The following EPS8 variants were observed in gnomAD, a reference collection of about 807,000 sequenced individuals.
EPS8 encodes epidermal growth factor receptor kinase substrate 8.
A neutral mutation model predicts 103.8 loss-of-function variants in EPS8; 42 were observed. That is an observed-to-expected ratio of 0.40 (90% CI 0.32 to 0.52). EPS8 has a LOEUF of 0.52. Among genes scored for constraint, EPS8 ranks in the 20% least tolerant of loss-of-function variants. The probability of loss-of-function intolerance (pLI) is 0.40; values close to 1 mark genes in which losing one functional copy is unlikely to be tolerated. For missense variants in EPS8, 969 were observed against 1,005.1 expected, an observed-to-expected ratio of 0.96 and a Z score of 0.49; for synonymous variants, 344 against 344.6, an observed-to-expected ratio of 1.00 and a Z score of 0.02.
intron 1 of EPS8, among the ~76,000 whole-genome samples, chr12:15,724,281 T>C (rs1946629027): frequency 6.6e-6 from 1 of 152,184 alleles, no homozygotes; most frequent in South Asian, 2.1e-4. Context: ...CTTTTCTTAA[T>C]ATGAATAAAG....
intron 17 of EPS8, among the ~76,000 whole-genome samples, chr12:15,640,331 C>A (rs1017981413): frequency 7.2e-5 from 11 of 152,138 alleles, no homozygotes; most frequent in African/African-American, 2.7e-4. Context: ...CTGCTGGACA[C>A]CATGCCGTGA....
At chr12:15,768,331 G>A (rs1029620413) in intron 1 of EPS8, among the ~76,000 whole-genome samples, 4 of 147,604 alleles carry the variant, frequency 2.7e-5, no homozygotes, top group Non-Finnish European at 5.9e-5. Context: ...CCAGCTACTC[G>A]AGAGGCTGAG....
intron 15 of EPS8, among the ~76,000 whole-genome samples, 198 bp downstream of exon 15, chr12:15,646,926 AATG>A (rs1945328722): frequency 6.6e-6 from 1 of 152,232 alleles, no homozygotes; most frequent in African/African-American, 2.4e-5. Flanking sequence ...ATTTGCACTA[AATG>A]GGAATTACAG....
rs1946239875 is a variant in EPS8 at position 15,696,101 on chromosome 12, A to G, written c.-21-13129T>C. Among the ~76,000 whole-genome samples, 1 of 152,196 alleles carries G rather than the reference A, an allele frequency of 6.6e-6. No individual in the cohort carries two copies. Among genetic ancestry groups the G allele is most frequent in the Non-Finnish European group, 1.5e-5 (1 of 68,038 alleles). On this transcript the variant is annotated intron_variant, in intron 1 of 20. Coordinates refer to ENST00000281172, the MANE Select transcript of EPS8 (RefSeq NM_004447.6). The surrounding 1 kb of genome is among the most constrained non-coding windows in gnomAD (Gnocchi z 4.8). ...TCTCTATTTAAAATCCAGGATAATT[A>G]GTCTACCTTTAAAACAAAGAATTTA... is the stretch of plus-strand genomic sequence containing the variant.
In EPS8 at chr12:15,682,900, G is replaced by A; in HGVS notation, c.52C>T (p.Gln18Ter). The A allele has an allele frequency of 6.6e-7, 1 of 1,525,650 alleles. No individual in the cohort carries two copies. The highest frequency in any genetic ancestry group is 9.0e-7 in the Non-Finnish European group (1 of 1,108,940). The allele number at this position is 1,525,650 out of a possible 1,614,324, so 94.5% of individuals were successfully genotyped here. ...ATAAACTTTTCAACTTACTTCATCT[G>A]AGATGGGTACATTCCAAAACTACTG... The part of the protein sequence containing the change: ...HPSSFGMYPS[Q>*]MNGYGSSPTF... Residue 18 changes from glutamine (Q) to a stop codon, truncating the protein, a stop_gained, in exon 2 of 21, where the codon CAG (glutamine) becomes TAG (stop). Transcript: ENST00000281172. LOFTEE classifies it high-confidence loss of function.
intron 8 of EPS8, among the ~76,000 whole-genome samples, chr12:15,664,548 C>T (rs900810343): frequency 6.6e-6 from 1 of 152,086 alleles, no homozygotes; most frequent in Non-Finnish European, 1.5e-5. Context: ...GAGATGAGAC[C>T]GAAGTACAGA....
chr12:15,774,865 G>C (rs1047494374), intron 1 of EPS8, among the ~76,000 whole-genome samples: 1 of 151,756 alleles, frequency 6.6e-6, no homozygotes, highest in African/African-American at 2.4e-5. Flanking sequence ...TTAGTTCAGT[G>C]TATAATGGCC....
intron 1 of EPS8, chr12:15,712,779 T>C: frequency 1.4e-6 from 1 of 732,902 alleles, no homozygotes; most frequent in Non-Finnish European, 1.7e-6. Context: ...GGTCTACAAA[T>C]ACCCTTTATA....
Position 15,721,159 on chromosome 12 carries a change from A to T in EPS8, c.-21-38187T>A, listed in dbSNP as rs1433503938. Among the ~76,000 whole-genome samples, 1 of 152,206 alleles carries T rather than the reference A, an allele frequency of 6.6e-6. No homozygotes were observed. The highest frequency in any genetic ancestry group is 1.5e-5 in the Non-Finnish European group (1 of 68,034). On this transcript the variant is annotated intron_variant, in intron 1 of 20. Coordinates refer to ENST00000281172, the MANE Select transcript of EPS8 (RefSeq NM_004447.6). This position sits in a 1 kb window ranked among gnomAD's most constrained non-coding sequence, Gnocchi z 4.4. ...GGCAATCAAAAATATGTCCACATAT[A>T]CTCAGAGTGAAAAGAAAGCAAGAAA...
chr12:15,685,810 C>T (rs1484773023), intron 1 of EPS8, among the ~76,000 whole-genome samples: 2 of 152,066 alleles, frequency 1.3e-5, no homozygotes, highest in Admixed American at 6.5e-5. Flanking sequence ...TTAAGACATA[C>T]CCAGTTTATA....
chr12:15,718,175 A>G (rs1268668449), intron 1 of EPS8, among the ~76,000 whole-genome samples: 2 of 152,352 alleles, frequency 1.3e-5, no homozygotes, highest in East Asian at 3.9e-4. Flanking sequence ...CCTCACCTGT[A>G]AAATGAGACC....
intron 1 of EPS8, among the ~76,000 whole-genome samples, chr12:15,703,847 GTTTTTTTT>G (rs58735135): frequency 1.6e-5 from 1 of 61,240 alleles, no homozygotes; most frequent in South Asian, 6.7e-4. Flanking sequence ...CTATGTATTT[GTTTTTTTT>G]TTTTTTTTTT....
chr12:15,746,198 C>G (rs1436755864), intron 1 of EPS8, among the ~76,000 whole-genome samples: 1 of 152,202 alleles, frequency 6.6e-6, no homozygotes, highest in African/African-American at 2.4e-5. Flanking sequence ...CAACTGCCCT[C>G]AGTAGCACTG....
intron 8 of EPS8, among the ~76,000 whole-genome samples, chr12:15,663,311 G>A (rs1436343124): frequency 6.6e-6 from 1 of 152,088 alleles, no homozygotes; most frequent in African/African-American, 2.4e-5. Context: ...TAGTGCCACT[G>A]GCGCTATTCC....
At chr12:15,640,405 C>A (rs555124504) in intron 17 of EPS8, among the ~76,000 whole-genome samples, 1 of 152,216 alleles carries the variant, frequency 6.6e-6, no homozygotes, top group South Asian at 2.1e-4. Flanking sequence ...GGTAAAAAGA[C>A]AGAAATACCA....
At chr12:15,708,756 T>A (rs1946421999) in intron 1 of EPS8, among the ~76,000 whole-genome samples, 1 of 152,204 alleles carries the variant, frequency 6.6e-6, no homozygotes, top group African/African-American at 2.4e-5. Flanking sequence ...ACAGCAGAAT[T>A]GACTGTATTT....
chr12:15,683,941 A>T (rs1193497973), intron 1 of EPS8: 5 of 152,124 alleles, frequency 3.3e-5, no homozygotes, highest in Non-Finnish European at 1.5e-5. Context: ...CCCCAGCTTT[A>T]TGGGCCAAGG....
At chr12:15,668,541 C>T (rs1194533077) in intron 6 of EPS8, among the ~76,000 whole-genome samples, 1 of 152,138 alleles carries the variant, frequency 6.6e-6, no homozygotes, top group East Asian at 1.9e-4. Context: ...TCCAATAAAG[C>T]ATCACAAATT....
rs1232290493 is a variant in EPS8, at chr12:15,745,895, A to G, written c.-22+43266T>C. Among the ~76,000 whole-genome samples, 8 of 152,214 alleles carry G rather than the reference A, an allele frequency of 5.3e-5. No homozygotes were observed. The highest frequency in any genetic ancestry group is 1.0e-4 in the Non-Finnish European group (7 of 68,026). On this transcript the variant is annotated intron_variant, in intron 1 of 20. Coordinates refer to ENST00000281172, the MANE Select transcript of EPS8 (RefSeq NM_004447.6). The surrounding 1 kb of genome is among the most constrained non-coding windows in gnomAD (Gnocchi z 4.6). ...CTAGTTAACATTATTAAACTGAATT[A>G]CTATCATGACAATAAATGCGATCAT...
Sources: gnomAD v4.1 joint callset for allele counts (sites outside exome capture counted in the v4.1 genomes callset) on GRCh38, gnomAD v4.1.1 for gene constraint, Gnocchi (gnomAD v3.1) non-coding constraint, MANE v1.5 for transcripts, NCBI Gene and HGNC (gene_info 2026-07-23, HGNC 2026-07-21) for gene names.